The following PTPRG variants were observed in gnomAD, a reference collection of about 807,000 sequenced individuals.
The protein encoded by PTPRG is receptor-type tyrosine-protein phosphatase gamma.
A neutral mutation model predicts 165.3 loss-of-function variants in PTPRG; 102 were observed. The observed-to-expected ratio is 0.62, with a 90% CI of 0.53 to 0.73. PTPRG has a LOEUF of 0.73. PTPRG is among the 30% of genes least tolerant of loss of function. PTPRG has a pLI of 0.00. For synonymous variants in PTPRG, 675 were observed against 669.5 expected (o/e 1.01, Z -0.13); for missense variants, 1,866 against 1,861.4 (o/e 1.00, Z -0.05).
intron 1 of PTPRG, among the ~76,000 whole-genome samples, chr3:61,728,413 C>T (rs543343033): frequency 1.1e-4 from 16 of 152,166 alleles, no homozygotes; most frequent in African/African-American, 3.4e-4. Flanking sequence ...AAGACCCCTT[C>T]GCTACAAAAA....
chr3:62,184,303 C>G (rs1159115577), intron 8 of PTPRG, among the ~76,000 whole-genome samples: 1 of 152,188 alleles, frequency 6.6e-6, no homozygotes, highest in East Asian at 1.9e-4. Context: ...GTTCCCAGTT[C>G]CTTCCTCCGT....
chr3:62,109,972 C>G (rs569695850), intron 5 of PTPRG, among the ~76,000 whole-genome samples: 1 of 152,132 alleles, frequency 6.6e-6, no homozygotes, highest in South Asian at 2.1e-4. Context: ...GTTCCATGTT[C>G]CTGTGACATT....
intron 20 of PTPRG, 48 bp downstream of exon 20, chr3:62,269,217 T>A: frequency 6.7e-7 from 1 of 1,499,520 alleles, no homozygotes; most frequent in Non-Finnish European, 9.0e-7. Flanking sequence ...TTTTTATACT[T>A]GTATGAAAAT....
intron 8 of PTPRG, among the ~76,000 whole-genome samples, chr3:62,171,016 A>T (rs1209669573): frequency 1.3e-5 from 2 of 152,188 alleles, no homozygotes; most frequent in African/African-American, 4.8e-5. Flanking sequence ...ATAAAGTTAG[A>T]ATCATTCAGT....
At chr3:62,117,179 T>C (rs1410573958) in intron 5 of PTPRG, among the ~76,000 whole-genome samples, 1 of 152,200 alleles carries the variant, frequency 6.6e-6, no homozygotes, top group Non-Finnish European at 1.5e-5. Context: ...GAGGGTTAAA[T>C]TATGTTTAAG....
At chr3:61,967,159 T>G (rs1402749516) in intron 2 of PTPRG, among the ~76,000 whole-genome samples, 1 of 152,194 alleles carries the variant, frequency 6.6e-6, no homozygotes. Context: ...ATACAAAGTC[T>G]AGGCCTGACC....
At chr3:61,648,215 G>A (rs1311348880) in intron 1 of PTPRG, among the ~76,000 whole-genome samples, 2 of 152,196 alleles carry the variant, frequency 1.3e-5, no homozygotes, top group African/African-American at 2.4e-5. Flanking sequence ...TAACATATTA[G>A]GAGATTCGTT....
chr3:61,973,401 G>T (rs750276498), intron 2 of PTPRG, among the ~76,000 whole-genome samples: 8 of 152,180 alleles, frequency 5.3e-5, no homozygotes, highest in Non-Finnish European at 1.0e-4. Context: ...ATCATTCAGG[G>T]TTTAGTTCTA....
chr3:62,010,084 A>G (rs2041384738), intron 4 of PTPRG, among the ~76,000 whole-genome samples: 1 of 151,872 alleles, frequency 6.6e-6, no homozygotes, highest in Non-Finnish European at 1.5e-5. Flanking sequence ...TGCCCAGCTA[A>G]TGTTTTTTAT....
intron 13 of PTPRG, among the ~76,000 whole-genome samples, chr3:62,220,238 T>C (rs1225672079): frequency 6.6e-6 from 1 of 152,224 alleles, no homozygotes; most frequent in Admixed American, 6.5e-5. Context: ...CACAGCCTTG[T>C]GGGCCATTGT....
rs1277257567 is a variant in PTPRG, at chr3:62,228,513, CAA to C, written c.2289-2701_2289-2700del. The stretch of plus-strand genomic sequence containing the variant: ...TGGGCAACAGAGCAAAACTCCATCT[CAA>C]AAAAAAAAAAGAAAGAAAGAAAAAA... On this transcript the variant is annotated intron_variant, in intron 13 of 29. Transcript: ENST00000474889. This position sits in a 1 kb window ranked among gnomAD's most constrained non-coding sequence, Gnocchi z 4.1. Among the ~76,000 whole-genome samples the C allele has an allele frequency of 4.5e-5, 5 of 111,700 alleles. No homozygotes were observed. Among genetic ancestry groups the C allele is most frequent in the Admixed American group, 9.6e-5 (1 of 10,426 alleles). The allele number at this position is 111,700 out of a possible 152,430, so 73.3% of individuals were successfully genotyped here. A position where few individuals can be genotyped will look rare whatever the true frequency, so the allele number is the denominator to read the frequency against.
intron 5 of PTPRG, among the ~76,000 whole-genome samples, chr3:62,117,261 A>T (rs1450079308): frequency 1.3e-5 from 2 of 152,256 alleles, no homozygotes; most frequent in East Asian, 3.8e-4. Flanking sequence ...TTGAGAATTT[A>T]AAGGGGACTT....
chr3:62,064,721 ATTTTTTTTTTTTT>A (rs35605831), intron 4 of PTPRG, among the ~76,000 whole-genome samples: 3 of 62,930 alleles, frequency 4.8e-5, no homozygotes, highest in South Asian at 8.2e-4. Flanking sequence ...GGTTATTTGG[ATTTTTTTTTTTTT>A]TTTTTTTTTT....
At chr3:61,744,665 T>A (rs142754536) in intron 1 of PTPRG, among the ~76,000 whole-genome samples, 1 of 152,116 alleles carries the variant, frequency 6.6e-6, no homozygotes, top group African/African-American at 2.4e-5. Context: ...GGGGGAGAGG[T>A]CACACATTAC....
At chr3:61,920,812 T>C (rs1469504811) in intron 2 of PTPRG, among the ~76,000 whole-genome samples, 1 of 152,244 alleles carries the variant, frequency 6.6e-6, no homozygotes, top group Non-Finnish European at 1.5e-5. Flanking sequence ...TTTTTAAATG[T>C]ATGTGATTTT....
intron 4 of PTPRG, among the ~76,000 whole-genome samples, chr3:62,013,586 C>A (rs1033708936): frequency 6.6e-6 from 1 of 152,102 alleles, no homozygotes; most frequent in Non-Finnish European, 1.5e-5. Flanking sequence ...TGCAGCAGGG[C>A]TTGGGTAGCT....
chr3:62,243,775 A>T lies in PTPRG; in HGVS notation c.2376-32A>T, dbSNP rs752726393. ...GATGAACTCAAATAAAGTATATTCT[A>T]TTATTGACATGTTTTTCTCTTTTCT... On this transcript the variant is annotated intron_variant, in intron 14 of 29. Coordinates refer to ENST00000474889, the MANE Select transcript of PTPRG (RefSeq NM_002841.4). 3.8e-5 allele frequency: 50 copies of T among 1,319,100 alleles called. 1 individual carries two copies. In the Middle Eastern group the frequency reaches 5.5e-4, roughly 15 times the overall value. The allele number at this position is 1,319,100 out of a possible 1,614,324, so 81.7% of individuals were successfully genotyped here. A position where few individuals can be genotyped will look rare whatever the true frequency, so the allele number is the denominator to read the frequency against.
chr3:61,562,590 C>T (rs1347660656), intron 1 of PTPRG, among the ~76,000 whole-genome samples: 4 of 84,448 alleles, frequency 4.7e-5, no homozygotes, highest in African/African-American at 1.4e-4. Flanking sequence ...AGGGGCTGGC[C>T]GGGGAGGGGG....
chr3:62,262,361 C>T (rs778785723), intron 16 of PTPRG: 2 of 152,980 alleles, frequency 1.3e-5, no homozygotes, highest in African/African-American at 4.8e-5. Flanking sequence ...GATTATACTT[C>T]TTAGAAATTC....
Sources: gnomAD v4.1 joint callset for allele counts (sites outside exome capture counted in the v4.1 genomes callset) on GRCh38, gnomAD v4.1.1 for gene constraint, Gnocchi (gnomAD v3.1) non-coding constraint, MANE v1.5 for transcripts, NCBI Gene and HGNC (gene_info 2026-07-23, HGNC 2026-07-21) for gene names.